GRIK1: variants seen among roughly 807,000 people sequenced by gnomAD.
GRIK1 encodes the protein glutamate ionotropic receptor kainate type subunit 1.
Under a neutral mutation model 105.7 loss-of-function variants are expected in GRIK1, and 69 were observed. That is an observed-to-expected ratio of 0.65 (90% CI 0.54 to 0.80). GRIK1 has a LOEUF of 0.80. Among genes scored for constraint, GRIK1 ranks in the 30% least tolerant of loss-of-function variants. The pLI is 0.00. For synonymous variants in GRIK1, 438 were observed against 431.3 expected, an observed-to-expected ratio of 1.02 and a Z score of -0.19; for missense variants, 1,109 against 1,167.3, an observed-to-expected ratio of 0.95 and a Z score of 0.73.
At chr21:29,799,381 G>A (rs1012356165) in intron 1 of GRIK1, among the ~76,000 whole-genome samples, 3 of 152,160 alleles carry the variant, frequency 2.0e-5, no homozygotes, top group African/African-American at 4.8e-5. Context: ...CACTTAACAT[G>A]TAAACAAATG....
intron 1 of GRIK1, among the ~76,000 whole-genome samples, chr21:29,694,873 C>T (rs182445087): frequency 6.6e-6 from 1 of 152,084 alleles, no homozygotes; most frequent in South Asian, 2.1e-4. Context: ...TAAAAATGTC[C>T]TTTTTTGTGC....
intron 7 of GRIK1, among the ~76,000 whole-genome samples, chr21:29,617,646 T>C (rs2061884149): frequency 6.6e-6 from 1 of 152,240 alleles, no homozygotes; most frequent in Admixed American, 6.5e-5. Context: ...TTCCATTTAA[T>C]GGTCAATTCA....
intron 7 of GRIK1, among the ~76,000 whole-genome samples, chr21:29,624,596 C>T (rs1055080741): frequency 7.9e-5 from 12 of 152,154 alleles, no homozygotes; most frequent in African/African-American, 2.9e-4. Flanking sequence ...CAAGGCAAAC[C>T]TTAGAATCAT....
intron 16 of GRIK1, among the ~76,000 whole-genome samples, chr21:29,541,169 C>T (rs112599701): frequency 0.014 from 2,057 of 152,250 alleles, 45 homozygotes; most frequent in African/African-American, 0.047. Flanking sequence ...GGTTTCACCA[C>T]GTTGGCCGGG....
At chr21:29,601,233 A>C (rs369760646) in intron 7 of GRIK1, 4 of 511,464 alleles carry the variant, frequency 7.8e-6, no homozygotes, top group Non-Finnish European at 1.6e-5. Context: ...CTGACAGCTG[A>C]AACAGCGGCC....
At chr21:29,923,327 C>G (rs1602057544) in intron 1 of GRIK1, among the ~76,000 whole-genome samples, 1 of 152,060 alleles carries the variant, frequency 6.6e-6, no homozygotes, top group African/African-American at 2.4e-5. Flanking sequence ...ATCTAATGTA[C>G]CACATTCATA....
chr21:29,716,755 G>A (rs537838163), intron 1 of GRIK1, among the ~76,000 whole-genome samples: 44 of 152,328 alleles, frequency 2.9e-4, no homozygotes, highest in African/African-American at 1.0e-3. Context: ...GCCTGACAAT[G>A]CAATGGAAAA....
chr21:29,573,050 G>A (rs2090792260), intron 14 of GRIK1, among the ~76,000 whole-genome samples: 1 of 152,192 alleles, frequency 6.6e-6, no homozygotes. Context: ...TGGGATTGCA[G>A]GTGTGAGCCA....
intron 1 of GRIK1, among the ~76,000 whole-genome samples, chr21:29,899,005 A>G (rs889382445): frequency 6.6e-6 from 1 of 152,096 alleles, no homozygotes; most frequent in Non-Finnish European, 1.5e-5. Context: ...ATCTACTTAT[A>G]TAATCTAATG....
At chr21:29,804,298 A>T (rs2066795605) in intron 1 of GRIK1, among the ~76,000 whole-genome samples, 1 of 152,078 alleles carries the variant, frequency 6.6e-6, no homozygotes. Context: ...GATTCTAAAG[A>T]TTTGCCACTC....
At chr21:29,621,200 T>C (rs1303137150) in intron 7 of GRIK1, among the ~76,000 whole-genome samples, 8 of 152,100 alleles carry the variant, frequency 5.3e-5, no homozygotes, top group Non-Finnish European at 1.5e-5. Flanking sequence ...AAACAGAAAG[T>C]AATAACAGTA....
chr21:29,630,952 GC>G (rs1468758144), intron 7 of GRIK1, among the ~76,000 whole-genome samples: 1 of 151,850 alleles, frequency 6.6e-6, no homozygotes, highest in African/African-American at 2.4e-5. Context: ...GCACTACTAT[GC>G]CCAGCTAATT....
intron 1 of GRIK1, among the ~76,000 whole-genome samples, chr21:29,936,496 A>G (rs2071760683): frequency 6.6e-6 from 1 of 152,230 alleles, no homozygotes; most frequent in Non-Finnish European, 1.5e-5. Flanking sequence ...TTGTTGATAT[A>G]CACTGGTGTA....
chr21:29,885,688 G>A (rs1230336203), intron 1 of GRIK1, among the ~76,000 whole-genome samples: 2 of 151,974 alleles, frequency 1.3e-5, no homozygotes, highest in African/African-American at 4.8e-5. Context: ...GCCCATCACT[G>A]TCAGCAACAT....
At chr21:29,704,112 T>C (rs956218231) in intron 1 of GRIK1, among the ~76,000 whole-genome samples, 1 of 152,218 alleles carries the variant, frequency 6.6e-6, no homozygotes, top group African/African-American at 2.4e-5. Flanking sequence ...TATTCCAGTG[T>C]TATTCAACAC....
At chr21:29,799,771 C>G (rs748601864) in intron 1 of GRIK1, among the ~76,000 whole-genome samples, 1 of 152,176 alleles carries the variant, frequency 6.6e-6, no homozygotes, top group Non-Finnish European at 1.5e-5. Context: ...CCCAAGTGAT[C>G]CACCTGCCTT....
chr21:29,895,199 A>G (rs1455525587), intron 1 of GRIK1, among the ~76,000 whole-genome samples: 1 of 152,170 alleles, frequency 6.6e-6, no homozygotes, highest in Non-Finnish European at 1.5e-5. Flanking sequence ...AGTGTGGTCA[A>G]CTCAGTGGAT....
intron 1 of GRIK1, among the ~76,000 whole-genome samples, chr21:29,849,448 T>G (rs368859090): frequency 9.2e-5 from 14 of 152,210 alleles, no homozygotes; most frequent in Non-Finnish European, 2.1e-4. Context: ...TCTTAAAAAC[T>G]AAATCCTCTA....
chr21:29,578,977 T>C (rs1171753596), intron 13 of GRIK1, among the ~76,000 whole-genome samples: 1 of 152,168 alleles, frequency 6.6e-6, no homozygotes, highest in African/African-American at 2.4e-5. Flanking sequence ...TATTCTTTCA[T>C]TATTTGGTTG....
Sources: allele counts gnomAD v4.1 joint callset (sites outside exome capture counted in the v4.1 genomes callset), GRCh38; gene constraint gnomAD v4.1.1; transcripts MANE v1.5; gene names NCBI Gene and HGNC (gene_info 2026-07-23, HGNC 2026-07-21).